RIC8B: variants seen among roughly 807,000 people sequenced by gnomAD.
RIC8B encodes the protein RIC8 guanine nucleotide exchange factor B.
A neutral mutation model predicts 57.5 loss-of-function variants in RIC8B; 16 were observed. The observed-to-expected ratio is 0.28, with a 90% confidence interval of 0.19 to 0.42. The LOEUF (loss-of-function observed/expected upper bound fraction) is 0.42, where lower values mean the gene tolerates loss of function less well. RIC8B is among the 10% of genes least tolerant of loss of function. RIC8B has a pLI of 1.00. For missense variants in RIC8B, 481 were observed against 677.0 expected (o/e 0.71, Z 3.21); for synonymous variants, 216 against 250.8 (o/e 0.86, Z 1.31).
At chr12:106,802,727 A>G (rs2044793377) in intron 2 of RIC8B, among the ~76,000 whole-genome samples, 1 of 152,008 alleles carries the variant, frequency 6.6e-6, no homozygotes, top group Non-Finnish European at 1.5e-5. Context: ...AGTAAAAGAG[A>G]GTAGGACTGA....
chr12:106,843,982 G>C (rs765904862), intron 6 of RIC8B, 35 bp downstream of exon 6: 3 of 1,335,842 alleles, frequency 2.2e-6, no homozygotes, highest in Non-Finnish European at 3.2e-6. Context: ...TGCAAAGTTA[G>C]TCTTTTTATG....
intron 4 of RIC8B, among the ~76,000 whole-genome samples, chr12:106,837,639 G>GGT (rs1555256184): frequency 2.6e-5 from 3 of 115,330 alleles, no homozygotes; most frequent in Non-Finnish European, 5.3e-5. Context: ...AAAATCTTTT[G>GGT]TTTTTTTTTT....
At chr12:106,874,612 GATGTTA>G in intron 9 of RIC8B, 2 of 1,373,156 alleles carry the variant, frequency 1.5e-6, no homozygotes, top group Non-Finnish European at 2.0e-6. Context: ...GTAGGGTATA[GATGTTA>G]TTCACTACCA....
At chr12:106,810,186 G>A (rs1404681379) in intron 2 of RIC8B, among the ~76,000 whole-genome samples, 11 of 139,780 alleles carry the variant, frequency 7.9e-5, no homozygotes, top group Admixed American at 2.2e-4. Flanking sequence ...TCCCACCTCA[G>A]CCTCCTAAAG....
At chr12:106,785,783 A>ATATC (rs1242289662) in intron 2 of RIC8B, among the ~76,000 whole-genome samples, 2 of 75,724 alleles carry the variant, frequency 2.6e-5, no homozygotes, top group African/African-American at 1.1e-4. Context: ...TGTGTATTCT[A>ATATC]TGTCTCTCTC....
intron 9 of RIC8B, 102 bp downstream of exon 9, chr12:106,871,044 T>C: frequency 8.0e-7 from 1 of 1,249,538 alleles, no homozygotes. Context: ...TGGAAATCCA[T>C]GTTGATTGGA....
chr12:106,788,195 T>C (rs987082108), intron 2 of RIC8B, among the ~76,000 whole-genome samples: 1 of 152,226 alleles, frequency 6.6e-6, no homozygotes, highest in Admixed American at 6.5e-5. Flanking sequence ...TTTGACTTCA[T>C]GTCTCACATC....
Position 106,851,551 on chromosome 12 carries a change from G to A in RIC8B, c.1263G>A (p.Lys421=), listed in dbSNP as rs1949479635. The A allele has an allele frequency of 2.5e-6, 4 of 1,613,042 alleles. No individual in the cohort carries two copies. Among genetic ancestry groups the A allele is most frequent in the South Asian group, 2.2e-5 (2 of 91,030 alleles). The part of the protein sequence containing the change: ...RLMTHVDLGV[K]QIAAEFLFVL... ...TGACACATGTTGACCTTGGAGTCAA[G>A]CAAATTGCTGCTGAATTCCTTTTTG... Residue 421 remains lysine (K), a synonymous_variant, in exon 7 of 10, where the codon AAG becomes AAA. Transcript: ENST00000392837.
At chr12:106,777,825 A>G (rs2043561888) in intron 1 of RIC8B, among the ~76,000 whole-genome samples, 1 of 152,220 alleles carries the variant, frequency 6.6e-6, no homozygotes, top group Non-Finnish European at 1.5e-5. Flanking sequence ...AACACTGGGC[A>G]CAATGCACCT....
rs199634002 is a variant in RIC8B, at chr12:106,849,535, A to T, written c.1162-1915A>T. The stretch of plus-strand genomic sequence containing the variant: ...AAATTTAAGAAGGTTAGAAAAAAGA[A>T]ACAAGGAATCAGTTATGGGTCCCAC... On this transcript the variant is annotated intron_variant, in intron 6 of 9. Coordinates refer to ENST00000392837, the MANE Select transcript of RIC8B (RefSeq NM_001330145.2). Among the ~76,000 whole-genome samples the T allele has an allele frequency of 3.9e-4, 60 of 152,088 alleles. No homozygotes were observed. In the East Asian group the frequency reaches 0.011, roughly 29 times the overall value.
At chr12:106,789,032 C>T (rs1260899976) in intron 2 of RIC8B, among the ~76,000 whole-genome samples, 1 of 152,184 alleles carries the variant, frequency 6.6e-6, no homozygotes, top group Non-Finnish European at 1.5e-5. Flanking sequence ...ACCCAAGTCA[C>T]CTCTTGAATG....
chr12:106,843,908 C>T lies in RIC8B; in HGVS notation c.1122C>T (p.Ser374=). The T allele has an allele frequency of 6.2e-7, 1 of 1,613,588 alleles. No individual in the cohort carries two copies. Among genetic ancestry groups the T allele is most frequent in the South Asian group, 1.1e-5 (1 of 91,060 alleles). ...TTCTCAGCTTATTAACCGAATGTTC[C>T]CGAGCCCATCGAAACATCCGAAAAT... is the stretch of plus-strand genomic sequence containing the variant. The part of the protein sequence containing the change: ...TPVLSLLTEC[S]RAHRNIRKFL... Residue 374 remains serine (S), a synonymous_variant, in exon 6 of 10, where the codon TCC becomes TCT. Coordinates refer to ENST00000392837, the MANE Select transcript of RIC8B (RefSeq NM_001330145.2).
At chr12:106,775,113 A>C (rs1382745910) in intron 1 of RIC8B, among the ~76,000 whole-genome samples, 1 of 152,178 alleles carries the variant, frequency 6.6e-6, no homozygotes, top group Non-Finnish European at 1.5e-5. Flanking sequence ...GAATCCGTAG[A>C]TGTGCATCTG....
chr12:106,777,308 A>T (rs1411199609), intron 1 of RIC8B, among the ~76,000 whole-genome samples: 1 of 152,174 alleles, frequency 6.6e-6, no homozygotes, highest in Non-Finnish European at 1.5e-5. Context: ...ATAGGAAGTG[A>T]ATGTATGATC....
At position 106,825,680 on chromosome 12, in the gene RIC8B, C is replaced by G. The variant is rs376049629; in HGVS notation, c.742-46C>G. ...TAGTAAAGTAGCAGACCCCACTGTT[C>G]AGGCATTCAACCCCCAATGTTTCCT... is the stretch of plus-strand genomic sequence containing the variant. On this transcript the variant is annotated intron_variant, in intron 3 of 9. Transcript: ENST00000392837. 329 of 1,420,264 alleles carry G rather than the reference C, an allele frequency of 2.3e-4. 1 individual carries two copies. The highest frequency in any genetic ancestry group is 3.1e-4 in the Non-Finnish European group (310 of 1,004,350). 88.0% of individuals were successfully genotyped at this position (1,420,264 alleles called of 1,614,324 possible).
At chr12:106,806,491 T>C (rs2045028939) in intron 2 of RIC8B, among the ~76,000 whole-genome samples, 1 of 152,104 alleles carries the variant, frequency 6.6e-6, no homozygotes, top group Non-Finnish European at 1.5e-5. Context: ...GTCCCCCTTT[T>C]CTCTATATAT....
chr12:106,805,265 A>G (rs889067842), intron 2 of RIC8B, among the ~76,000 whole-genome samples: 3 of 152,204 alleles, frequency 2.0e-5, no homozygotes, highest in East Asian at 1.9e-4. Context: ...TTAGAAATCT[A>G]TGAGGTTCCT....
intron 4 of RIC8B, among the ~76,000 whole-genome samples, chr12:106,828,690 G>A (rs1037952100): frequency 2.0e-5 from 3 of 152,136 alleles, no homozygotes; most frequent in African/African-American, 4.8e-5. Context: ...ACTTGCTGCC[G>A]CTGCTGCCAC....
At chr12:106,811,714 C>T (rs1245859402) in intron 2 of RIC8B, among the ~76,000 whole-genome samples, 4 of 152,020 alleles carry the variant, frequency 2.6e-5, no homozygotes, top group African/African-American at 9.7e-5. Flanking sequence ...GTGTATCAGA[C>T]AACAGTAGGA....
Sources: allele counts gnomAD v4.1 joint callset (sites outside exome capture counted in the v4.1 genomes callset), GRCh38; gene constraint gnomAD v4.1.1; transcripts MANE v1.5; gene names NCBI Gene and HGNC (gene_info 2026-07-23, HGNC 2026-07-21).